OTOGL: variants seen among roughly 807,000 people sequenced by gnomAD.
The protein encoded by OTOGL is otogelin like.
A neutral mutation model predicts 318.5 loss-of-function variants in OTOGL; 285 were observed. That is an observed-to-expected ratio of 0.89 (90% CI 0.81 to 0.99). OTOGL has a LOEUF of 0.99. OTOGL is among the 50% of genes least tolerant of loss of function. The probability of loss-of-function intolerance (pLI) is 0.00; values close to 1 mark genes in which losing one functional copy is unlikely to be tolerated. For missense variants in OTOGL, 2,899 were observed against 2,845.6 expected, an observed-to-expected ratio of 1.02 and a Z score of -0.43; for synonymous variants, 987 against 936.5, an observed-to-expected ratio of 1.05 and a Z score of -0.99.
In OTOGL at chr12:80,366,511, T is replaced by TATATA. The variant is rs1555304842; in HGVS notation, c.6268-63_6268-62insATATA. 2.5e-3 allele frequency: 449 copies of TATATA among 176,322 alleles called. 3 individuals are homozygous for TATATA. The highest frequency in any genetic ancestry group is 9.2e-3 in the African/African-American group (362 of 39,302). The allele number at this position is 176,322 out of a possible 1,614,324, so 10.9% of individuals were successfully genotyped here. The stretch of plus-strand genomic sequence containing the variant: ...ATATCAATTGTTTTATATATATAGG[T>TATATA]TATATATATATATATATATAAAATA... On this transcript the variant is annotated intron_variant, in intron 52 of 58. Transcript: ENST00000547103.
chr12:80,372,213 T>G, intron 57 of OTOGL, 149 bp downstream of exon 57: 1 of 495,472 alleles, frequency 2.0e-6, no homozygotes, highest in Non-Finnish European at 3.2e-6. Context: ...GTTTTTTGTA[T>G]CATATGGTTA....
At chr12:80,166,653 T>C (rs1371070358) in intron 1 of OTOGL, among the ~76,000 whole-genome samples, 2 of 152,186 alleles carry the variant, frequency 1.3e-5, no homozygotes, top group Non-Finnish European at 2.9e-5. Flanking sequence ...AATATATAAA[T>C]TGTAGATAAG....
chr12:80,368,535 T>C (rs1890695027), intron 55 of OTOGL, among the ~76,000 whole-genome samples: 1 of 152,158 alleles, frequency 6.6e-6, no homozygotes, highest in African/African-American at 2.4e-5. Flanking sequence ...TTATCATAGA[T>C]CTTCACTCCT....
chr12:80,128,312 C>T (rs1365660429), intron 1 of OTOGL, among the ~76,000 whole-genome samples: 1 of 152,184 alleles, frequency 6.6e-6, no homozygotes, highest in Admixed American at 6.5e-5. Context: ...CCACTCCAGA[C>T]CCTGTTTGCC....
intron 1 of OTOGL, among the ~76,000 whole-genome samples, chr12:80,148,598 C>CG (rs1310022989): frequency 2.6e-5 from 4 of 151,884 alleles, no homozygotes; most frequent in Non-Finnish European, 2.9e-5. Flanking sequence ...TGAATGTTGG[C>CG]CTGCCTTGCT....
intron 31 of OTOGL, 94 bp from the exon 32 acceptor site, chr12:80,314,211 T>C (rs1283162173): frequency 2.7e-6 from 1 of 370,958 alleles, no homozygotes; most frequent in African/African-American, 2.1e-5. Flanking sequence ...TTCTTTCACA[T>C]AGTTATTGAT....
At chr12:80,355,625 G>T in intron 46 of OTOGL, 111 bp from the exon 47 acceptor site, 1 of 772,346 alleles carries the variant, frequency 1.3e-6, no homozygotes, top group South Asian at 2.0e-5. Context: ...ATAGACTTGT[G>T]ACACATCATT....
At chr12:80,328,774 G>A (rs865893882) in intron 36 of OTOGL, 30 bp downstream of exon 36, 1 of 1,538,076 alleles carries the variant, frequency 6.5e-7, no homozygotes, top group Non-Finnish European at 9.0e-7. Flanking sequence ...AATTTACTCT[G>A]AAAAATTATA....
chr12:80,273,545 A>G (rs938090857), intron 24 of OTOGL, among the ~76,000 whole-genome samples: 1 of 152,098 alleles, frequency 6.6e-6, no homozygotes, highest in Non-Finnish European at 1.5e-5. Flanking sequence ...TTCTCTTTTA[A>G]TAATGGATAT....
At chr12:80,216,285 C>T (rs188693632) in intron 4 of OTOGL, among the ~76,000 whole-genome samples, 33 of 152,310 alleles carry the variant, frequency 2.2e-4, no homozygotes, top group Admixed American at 3.3e-4. Context: ...AGTCACATGG[C>T]TCATTTTCCC....
At position 80,267,284 on chromosome 12, in the gene OTOGL, GT is replaced by G; in HGVS notation, c.2425del (p.Tyr809IlefsTer21). On this transcript the variant is annotated frameshift_variant, in exon 22 of 59. Coordinates refer to ENST00000547103, the MANE Select transcript of OTOGL (RefSeq NM_001378609.3). LOFTEE classifies it high-confidence loss of function. ...CTGCCGTTGTCATTATAGGGGCAGT[GT>G]TTATCAACCTGGAGAGCTCATCCCC... ...FHCRCHYRGS[V>X]YQPGELIPTP... The G allele has an allele frequency of 6.4e-7, 1 of 1,566,272 alleles. No individual in the cohort carries two copies. The highest frequency in any genetic ancestry group is 8.7e-7 in the Non-Finnish European group (1 of 1,145,184).
chr12:80,336,446 T>C lies in OTOGL; in HGVS notation c.4634T>C (p.Ile1545Thr), dbSNP rs780468991. ...RCSMLSELSI[I>T]TFDGNNAALY... is the part of the protein sequence containing the mutation. ...TCCATGTTGTCAGAACTGAGCATTA[T>C]TACATTTGATGGAAACAACGCAGCA... Residue 1545 changes from isoleucine (I) to threonine (T), a missense_variant, in exon 40 of 59, where the codon ATT (isoleucine) becomes ACT (threonine). Around this residue, in one of 3 missense-constraint regions of OTOGL, gnomAD observed 2,607 missense variants for 2,524.9 expected, o/e 1.03. Coordinates refer to ENST00000547103, the MANE Select transcript of OTOGL (RefSeq NM_001378609.3). The C allele has an allele frequency of 6.2e-7, 1 of 1,609,320 alleles. No individual in the cohort carries two copies. The highest frequency in any genetic ancestry group is 1.3e-5 in the African/African-American group (1 of 74,798).
At chr12:80,256,203 T>G in intron 16 of OTOGL, 134 bp from the exon 17 acceptor site, 1 of 1,059,332 alleles carries the variant, frequency 9.4e-7, no homozygotes, top group Non-Finnish European at 1.3e-6. Context: ...CTAATTTATA[T>G]GCACTCTCTT....
intron 11 of OTOGL, among the ~76,000 whole-genome samples, chr12:80,245,979 A>C (rs1212910021): frequency 5.7e-5 from 8 of 140,244 alleles, no homozygotes; most frequent in Admixed American, 2.8e-4. Context: ...TTGTTGGTGT[A>C]TAAGAATGCT....
chr12:80,304,277 C>T (rs1199044466), intron 28 of OTOGL, among the ~76,000 whole-genome samples: 1 of 151,952 alleles, frequency 6.6e-6, no homozygotes, highest in African/African-American at 2.4e-5. Context: ...ATTTTATATA[C>T]TATTCCCTGC....
Position 80,376,472 on chromosome 12 carries a change from A to C in OTOGL, c.6782-651A>C, listed in dbSNP as rs183373152. Among the ~76,000 whole-genome samples, 7 of 152,308 alleles carry C rather than the reference A, an allele frequency of 4.6e-5. No individual in the cohort carries two copies. In the South Asian group the frequency reaches 8.3e-4, roughly 18 times the overall value. On this transcript the variant is annotated intron_variant, in intron 57 of 58. Transcript: ENST00000547103. Reference sequence around the variant, plus strand: ...TACATCATTAAATATAGATGCTTGCATGTAATAGCACGTGATAATCCATTA... The same window carrying C: ...TACATCATTAAATATAGATGCTTGCCTGTAATAGCACGTGATAATCCATTA...
intron 12 of OTOGL, 133 bp from the exon 13 acceptor site, chr12:80,251,939 TGAAA>T: frequency 8.3e-7 from 1 of 1,201,604 alleles, no homozygotes; most frequent in South Asian, 2.1e-5. Flanking sequence ...GCATACTTTT[TGAAA>T]CAAGTATGCA....
intron 1 of OTOGL, among the ~76,000 whole-genome samples, chr12:80,153,041 G>T (rs1435051666): frequency 1.3e-5 from 2 of 152,156 alleles, no homozygotes; most frequent in Non-Finnish European, 2.9e-5. Context: ...TTTTTAAATA[G>T]CAATTTTAGT....
At chr12:80,133,707 C>T (rs1239042262) in intron 1 of OTOGL, 1 of 152,190 alleles carries the variant, frequency 6.6e-6, no homozygotes, top group East Asian at 1.9e-4. Flanking sequence ...GTAATATCAG[C>T]ACTTTGGTAG....
Sources: gnomAD v4.1 joint callset for allele counts (sites outside exome capture counted in the v4.1 genomes callset) on GRCh38, gnomAD v4.1.1 for gene constraint, gnomAD v4.1.1 regional missense constraint, MANE v1.5 for transcripts, NCBI Gene and HGNC (gene_info 2026-07-23, HGNC 2026-07-21) for gene names.